The following PPM1L variants were observed in gnomAD, a reference collection of about 807,000 sequenced individuals.
PPM1L encodes the protein protein phosphatase 1L.
PPM1L carries 13 observed loss-of-function variants against 31.4 expected under a neutral mutation model. That is an observed-to-expected ratio of 0.41 (90% confidence interval 0.27 to 0.66). PPM1L has a LOEUF of 0.66. PPM1L is among the 30% of genes least tolerant of loss of function. PPM1L has a pLI of 0.29. For synonymous variants in PPM1L, 184 were observed against 175.4 expected (o/e 1.05, Z -0.39); for missense variants, 326 against 453.7 (o/e 0.72, Z 2.56).
intron 1 of PPM1L, among the ~76,000 whole-genome samples, chr3:160,906,837 T>C (rs973834908): frequency 3.3e-5 from 5 of 152,194 alleles, no homozygotes; most frequent in Admixed American, 1.3e-4. Flanking sequence ...GTTTGTTGGC[T>C]GGGGGCCTCC....
chr3:160,970,111 A>G (rs973401985), intron 2 of PPM1L, among the ~76,000 whole-genome samples: 1 of 152,214 alleles, frequency 6.6e-6, no homozygotes, highest in Non-Finnish European at 1.5e-5. Context: ...TATTGAGTGG[A>G]TATACCACAG....
intron 2 of PPM1L, among the ~76,000 whole-genome samples, chr3:160,977,796 T>C (rs1419661172): frequency 6.6e-6 from 1 of 152,212 alleles, no homozygotes; most frequent in Admixed American, 6.5e-5. Context: ...TCCTAAGCTT[T>C]CTGATAACCA....
intron 2 of PPM1L, among the ~76,000 whole-genome samples, chr3:160,992,250 G>C (rs1717157072): frequency 1.3e-5 from 2 of 152,176 alleles, no homozygotes; most frequent in Admixed American, 1.3e-4. Context: ...TTCTGATCAA[G>C]CTAAATATTT....
rs1329709205 is a variant in PPM1L at position 160,756,837 on chromosome 3, G to A, written c.399+130G>A. On this transcript the variant is annotated intron_variant, in intron 1 of 3. Transcript: ENST00000498165. The surrounding 1 kb of genome is among the most constrained non-coding windows in gnomAD (Gnocchi z 6.2). ...GCGCAGCGGGAGAGGATCTGGGTGCGAGGGGCGTGGTGATGACACCACGGT... is the reference window on the plus strand; with the variant it reads ...GCGCAGCGGGAGAGGATCTGGGTGCAAGGGGCGTGGTGATGACACCACGGT... The A allele has an allele frequency of 2.4e-5, 25 of 1,046,696 alleles. No homozygotes were observed. The Admixed American group carries it at 6.8e-4, about 28-fold the overall frequency. 64.8% of individuals were successfully genotyped at this position (1,046,696 alleles called of 1,614,324 possible). A position where few individuals can be genotyped will look rare whatever the true frequency, so the allele number is the denominator to read the frequency against.
Position 161,075,826 on chromosome 3 carries a change from A to C in PPM1L, c.*6669A>C, listed in dbSNP as rs1720080224. 1 of 152,236 alleles carries C rather than the reference A, an allele frequency of 6.6e-6. No homozygotes were observed. Among genetic ancestry groups the C allele is most frequent in the Non-Finnish European group, 1.5e-5 (1 of 68,046 alleles). The allele number at this position is 152,236 out of a possible 1,614,324, so 9.4% of individuals were successfully genotyped here. A position where few individuals can be genotyped will look rare whatever the true frequency, so the allele number is the denominator to read the frequency against. On this transcript the variant is annotated 3_prime_UTR_variant, in exon 4 of 4. Coordinates refer to ENST00000498165, the MANE Select transcript of PPM1L (RefSeq NM_139245.4). ...TTCTCAGTTATTTGCGAAGTTAGTA[A>C]AATTGCAGTCCCTATTCCATTTTTT...
intron 2 of PPM1L, among the ~76,000 whole-genome samples, chr3:161,028,998 T>G (rs1225466871): frequency 6.6e-6 from 1 of 152,218 alleles, no homozygotes; most frequent in Non-Finnish European, 1.5e-5. Context: ...ACACTCCCAG[T>G]GCCTTTAAGC....
intron 1 of PPM1L, among the ~76,000 whole-genome samples, chr3:160,793,898 G>A (rs973245462): frequency 2.6e-5 from 4 of 152,200 alleles, no homozygotes; most frequent in Middle Eastern, 3.4e-3. Flanking sequence ...ATCCTGATTG[G>A]TTGATACAGC....
chr3:160,888,027 A>G (rs2108043403), intron 1 of PPM1L, among the ~76,000 whole-genome samples: 1 of 152,322 alleles, frequency 6.6e-6, no homozygotes, highest in East Asian at 1.9e-4. Flanking sequence ...AGAGCTCCTG[A>G]AAGAAGCACT....
intron 1 of PPM1L, among the ~76,000 whole-genome samples, chr3:160,912,340 T>C (rs971573981): frequency 5.3e-5 from 8 of 152,204 alleles, no homozygotes; most frequent in African/African-American, 1.9e-4. Context: ...TTATATCTGT[T>C]GGTGTTGCAT....
intron 1 of PPM1L, among the ~76,000 whole-genome samples, chr3:160,926,543 C>A (rs1992853): frequency 2.0e-5 from 3 of 152,160 alleles, no homozygotes; most frequent in Non-Finnish European, 4.4e-5. Flanking sequence ...GAACCTCCCC[C>A]CCTTAATGCC....
chr3:160,850,886 G>GT (rs969566845), intron 1 of PPM1L, among the ~76,000 whole-genome samples: 19 of 146,364 alleles, frequency 1.3e-4, no homozygotes, highest in Non-Finnish European at 2.0e-4. Flanking sequence ...TTTTTTGGTG[G>GT]GGGGGGGGTC....
At chr3:160,976,060 T>A (rs1716560419) in intron 2 of PPM1L, among the ~76,000 whole-genome samples, 1 of 119,308 alleles carries the variant, frequency 8.4e-6, no homozygotes, top group African/African-American at 3.4e-5. Flanking sequence ...CAATACCTAA[T>A]TTATTGAGAG....
chr3:160,770,243 T>A (rs1433761487), intron 1 of PPM1L, among the ~76,000 whole-genome samples: 3 of 152,198 alleles, frequency 2.0e-5, no homozygotes, highest in African/African-American at 7.2e-5. Context: ...TATTTTTTGT[T>A]TTTGTTTTCT....
chr3:160,803,288 C>T (rs1712489347), intron 1 of PPM1L, among the ~76,000 whole-genome samples: 1 of 152,188 alleles, frequency 6.6e-6, no homozygotes, highest in African/African-American at 2.4e-5. Flanking sequence ...CATCCTTATT[C>T]CAGCATCTGA....
chr3:160,787,203 T>C (rs1403277946), intron 1 of PPM1L, among the ~76,000 whole-genome samples: 1 of 152,240 alleles, frequency 6.6e-6, no homozygotes, highest in African/African-American at 2.4e-5. Context: ...GTGGCTGAAC[T>C]AATTTACATT....
intron 1 of PPM1L, among the ~76,000 whole-genome samples, chr3:160,786,970 T>C (rs1277738301): frequency 6.6e-6 from 1 of 152,240 alleles, no homozygotes; most frequent in African/African-American, 2.4e-5. Flanking sequence ...GTCCATGTTA[T>C]ATAGGTACCA....
At chr3:160,789,974 T>C (rs2108072421) in intron 1 of PPM1L, among the ~76,000 whole-genome samples, 1 of 152,272 alleles carries the variant, frequency 6.6e-6, no homozygotes, top group East Asian at 1.9e-4. Context: ...TTAAATCATC[T>C]CTAGATTACT....
At chr3:160,933,139 T>C (rs1714840552) in intron 1 of PPM1L, among the ~76,000 whole-genome samples, 1 of 152,232 alleles carries the variant, frequency 6.6e-6, no homozygotes, top group South Asian at 2.1e-4. Flanking sequence ...TCTGATAAAA[T>C]CATAATTTCT....
chr3:160,862,841 T>C (rs1711950878), intron 1 of PPM1L, among the ~76,000 whole-genome samples: 1 of 152,134 alleles, frequency 6.6e-6, no homozygotes. Context: ...AAAATGATTA[T>C]CAGTTTTTTA....
Sources: allele counts gnomAD v4.1 joint callset (sites outside exome capture counted in the v4.1 genomes callset), GRCh38; gene constraint gnomAD v4.1.1; non-coding constraint Gnocchi (gnomAD v3.1); transcripts MANE v1.5; gene names NCBI Gene and HGNC (gene_info 2026-07-23, HGNC 2026-07-21).